Variants in KCNMA1 observed in about 807,000 individuals in gnomAD.
KCNMA1 encodes the protein potassium calcium-activated channel subfamily M alpha 1, also known as Calcium-activated potassium channel subunit alpha-1.
Under a neutral mutation model 140.0 loss-of-function variants are expected in KCNMA1, and 29 were observed. That is an observed-to-expected ratio of 0.21 (90% CI 0.15 to 0.28). The LOEUF (loss-of-function observed/expected upper bound fraction) is 0.28. KCNMA1 is among the 10% of genes least tolerant of loss of function. The pLI is 1.00. For missense variants in KCNMA1, 880 were observed against 1,602.2 expected (o/e 0.55, Z 7.70); for synonymous variants, 612 against 611.9 (o/e 1.00, Z 0.00).
chr10:77,271,996 C>T (rs894578650), intron 2 of KCNMA1, among the ~76,000 whole-genome samples: 13 of 152,160 alleles, frequency 8.5e-5, no homozygotes, highest in African/African-American at 3.1e-4. Flanking sequence ...CCAGCTCCTC[C>T]TACAAGGCCT....
intron 1 of KCNMA1, among the ~76,000 whole-genome samples, chr10:77,610,380 T>C (rs2086391540): frequency 6.6e-6 from 1 of 152,196 alleles, no homozygotes; most frequent in South Asian, 2.1e-4. Flanking sequence ...TGCCGGAGAA[T>C]CCAGAATGAC....
At chr10:77,143,567 C>T (rs1400132951) in intron 5 of KCNMA1, among the ~76,000 whole-genome samples, 1 of 152,058 alleles carries the variant, frequency 6.6e-6, no homozygotes. Context: ...TCAACTCTTA[C>T]CTAACACAAT....
rs1566858870 is a variant in KCNMA1, at chr10:77,439,150, A to AGAAGAGAAGAGAAG, written c.379-35128_379-35127insCTTCTCTTCTCTTC. Among the ~76,000 whole-genome samples the AGAAGAGAAGAGAAG allele has an allele frequency of 1.7e-4, 11 of 64,310 alleles. 1 individual carries two copies. The highest frequency in any genetic ancestry group is 5.9e-4 in the African/African-American group (10 of 17,034). The allele number at this position is 64,310 out of a possible 152,430, so 42.2% of individuals were successfully genotyped here. ...GAGAAGAGAAGAGAAGAGAAGAGAAAAGAGAAGAGAAGAAAAGAAAAGAGA... is the reference window on the plus strand; with the variant it reads ...GAGAAGAGAAGAGAAGAGAAGAGAAAGAAGAGAAGAGAAGAGAGAAGAGAAGAAAAGAAAAGAGA... On this transcript the variant is annotated intron_variant, in intron 1 of 27. Coordinates refer to ENST00000286628, the MANE Select transcript of KCNMA1 (RefSeq NM_001161352.2).
intron 1 of KCNMA1, among the ~76,000 whole-genome samples, chr10:77,450,936 T>A (rs2097642262): frequency 2.0e-5 from 3 of 152,196 alleles, no homozygotes; most frequent in Admixed American, 2.0e-4. Context: ...TCTCATGAGA[T>A]CTGATGGTTT....
At chr10:76,996,173 G>A (rs1484034193) in intron 19 of KCNMA1, among the ~76,000 whole-genome samples, 1 of 152,316 alleles carries the variant, frequency 6.6e-6, no homozygotes, top group Non-Finnish European at 1.5e-5. Context: ...TGTGTTGGGA[G>A]CTCTTGACAG....
chr10:77,117,045 G>A (rs2097491444), intron 6 of KCNMA1, among the ~76,000 whole-genome samples: 1 of 152,122 alleles, frequency 6.6e-6, no homozygotes, highest in South Asian at 2.1e-4. Context: ...CATGTCAGTA[G>A]TAATGTTTTA....
downstream of KCNMA1, among the ~76,000 whole-genome samples, chr10:76,880,952 G>A (rs2034410113): frequency 6.6e-6 from 1 of 152,168 alleles, no homozygotes; most frequent in Non-Finnish European, 1.5e-5. Context: ...AGCTTCTTAA[G>A]GATGAGATGC....
chr10:76,872,871 T>C (rs1194264526), downstream of KCNMA1: 1 of 152,198 alleles, frequency 6.6e-6, no homozygotes, highest in Non-Finnish European at 1.5e-5. Context: ...AAAATACTGC[T>C]TATTATATCT....
chr10:77,161,336 C>T (rs1003176146), intron 5 of KCNMA1, among the ~76,000 whole-genome samples: 1 of 152,144 alleles, frequency 6.6e-6, no homozygotes, highest in South Asian at 2.1e-4. Flanking sequence ...CAGCCTCAAC[C>T]TCTTTGCCTC....
At chr10:77,162,807 A>G (rs1035600026) in intron 5 of KCNMA1, among the ~76,000 whole-genome samples, 6 of 152,228 alleles carry the variant, frequency 3.9e-5, no homozygotes, top group African/African-American at 1.2e-4. Flanking sequence ...CTGGAAGGAT[A>G]CTTGTGACAT....
Position 77,106,721 on chromosome 10 carries a change from CCACACCTT to C in KCNMA1, c.1223+1752_1223+1759del, listed in dbSNP as rs1164409236. ...TGCCTTCTGCTTTATGGAGACCTGT[CCACACCTT>C]CAAGGCAAAATGAATTGAGATGCTG... On this transcript the variant is annotated intron_variant, in intron 9 of 27. Transcript: ENST00000286628. Among the ~76,000 whole-genome samples, 82 of 152,264 alleles carry C rather than the reference CCACACCTT, an allele frequency of 5.4e-4. 1 individual carries two copies. Among genetic ancestry groups the C allele is most frequent in the African/African-American group, 2.0e-3 (81 of 41,536 alleles).
chr10:77,464,549 C>T (rs1371608477), intron 1 of KCNMA1, among the ~76,000 whole-genome samples: 1 of 152,078 alleles, frequency 6.6e-6, no homozygotes, highest in Non-Finnish European at 1.5e-5. Flanking sequence ...ATCTGGAAAT[C>T]CCTGGTCTGG....
intron 16 of KCNMA1, chr10:77,019,334 C>G: frequency 1.9e-6 from 1 of 531,464 alleles, no homozygotes; most frequent in South Asian, 2.1e-5. Flanking sequence ...TTGAGGAAAT[C>G]AAAGCAAATC....
At chr10:77,148,494 T>A (rs2098354849) in intron 5 of KCNMA1, among the ~76,000 whole-genome samples, 1 of 151,272 alleles carries the variant, frequency 6.6e-6, no homozygotes, top group Non-Finnish European at 1.5e-5. Context: ...TTAATTCTGA[T>A]GCTCAACATT....
At chr10:77,482,135 G>C (rs2098405206) in intron 1 of KCNMA1, among the ~76,000 whole-genome samples, 2 of 152,210 alleles carry the variant, frequency 1.3e-5, no homozygotes, top group Non-Finnish European at 2.9e-5. Context: ...ATATTTGATA[G>C]CCCTGTAGTT....
chr10:77,347,223 A>T (rs796259094), intron 2 of KCNMA1, among the ~76,000 whole-genome samples: 21 of 152,340 alleles, frequency 1.4e-4, no homozygotes, highest in African/African-American at 5.1e-4. Flanking sequence ...AGCACTCATC[A>T]TATACCAGGC....
In KCNMA1 at chr10:76,990,785, G is replaced by T. The variant is rs539558228; in HGVS notation, c.2266+10622C>A. On this transcript the variant is annotated intron_variant, in intron 19 of 27. Coordinates refer to ENST00000286628, the MANE Select transcript of KCNMA1 (RefSeq NM_001161352.2). ...TGGAAATTTACTCATCTGCACTGAA[G>T]AAATGGCCAGATCAGCCTTGACAAA... Among the ~76,000 whole-genome samples the T allele has an allele frequency of 3.9e-5, 6 of 152,328 alleles. No homozygotes were observed. The East Asian group carries it at 9.6e-4, about 24-fold the overall frequency.
chr10:77,253,806 A>G (rs2060141849), intron 2 of KCNMA1, among the ~76,000 whole-genome samples: 1 of 152,236 alleles, frequency 6.6e-6, no homozygotes, highest in South Asian at 2.1e-4. Context: ...TGGGGAGATG[A>G]TCTGCCTCTC....
At chr10:77,460,690 C>T (rs1380020446) in intron 1 of KCNMA1, among the ~76,000 whole-genome samples, 2 of 152,140 alleles carry the variant, frequency 1.3e-5, no homozygotes, top group South Asian at 2.1e-4. Context: ...GTGATGGGTA[C>T]ACTAAAAGCC....
Sources: allele counts gnomAD v4.1 joint callset (sites outside exome capture counted in the v4.1 genomes callset), GRCh38; gene constraint gnomAD v4.1.1; transcripts MANE v1.5; gene names NCBI Gene and HGNC (gene_info 2026-07-23, HGNC 2026-07-21).